The following PKDCC variants were observed in gnomAD, a reference collection of about 807,000 sequenced individuals.
The protein encoded by PKDCC is extracellular tyrosine-protein kinase PKDCC.
Under a neutral mutation model 44.7 loss-of-function variants are expected in PKDCC, and 35 were observed. That is an observed-to-expected ratio of 0.78 (90% CI 0.60 to 1.04). PKDCC has a LOEUF of 1.04. Ranked by LOEUF, PKDCC falls within the 50% of genes least tolerant of loss-of-function variation. The probability of loss-of-function intolerance (pLI) is 0.00; values close to 1 mark genes in which losing one functional copy is unlikely to be tolerated. For synonymous variants in PKDCC, 353 were observed against 303.3 expected, an observed-to-expected ratio of 1.16 and a Z score of -1.70; for missense variants, 738 against 672.7, an observed-to-expected ratio of 1.10 and a Z score of -1.07.
At position 42,055,409 on chromosome 2, in the gene PKDCC, C is replaced by T; in HGVS notation, c.1222+16C>T. ...AGCAGTACCGGTGAGTGGCCCCAAG[C>T]TGATCCACAGGGAAGCAAGAAACAG... On this transcript the variant is annotated intron_variant, in intron 5 of 6. Transcript: ENST00000294964. The surrounding 1 kb of genome is among the most constrained non-coding windows in gnomAD (Gnocchi z 4.5). The T allele has an allele frequency of 1.2e-6, 2 of 1,608,766 alleles. No individual in the cohort carries two copies. Among genetic ancestry groups the T allele is most frequent in the Non-Finnish European group, 1.7e-6 (2 of 1,176,844 alleles).
At chr2:42,050,546 G>C (rs1667947368) in intron 1 of PKDCC, among the ~76,000 whole-genome samples, 1 of 152,080 alleles carries the variant, frequency 6.6e-6, no homozygotes. Context: ...TATATATCAC[G>C]TGACGGTCCT....
Position 42,048,286 on chromosome 2 carries a change from C to A in PKDCC, c.87C>A (p.Gly29=), listed in dbSNP as rs1667901515. ...TCCTCAACGTGCTCTTCGCTCCGGGCTCGGAGCCTCCGAGGCCAGGCCAGT... is the reference window on the plus strand; with the variant it reads ...TCCTCAACGTGCTCTTCGCTCCGGGATCGGAGCCTCCGAGGCCAGGCCAGT... ...GSVLNVLFAP[G]SEPPRPGQSP... is the part of the protein sequence containing the mutation. Residue 29 remains glycine (G), a synonymous_variant, in exon 1 of 7, where the codon GGC becomes GGA. Coordinates refer to ENST00000294964, the MANE Select transcript of PKDCC (RefSeq NM_138370.3). The surrounding 1 kb of genome is among the most constrained non-coding windows in gnomAD (Gnocchi z 6.2). The A allele has an allele frequency of 2.4e-6, 3 of 1,272,356 alleles. No homozygotes were observed. The highest frequency in any genetic ancestry group is 3.8e-5 in the Admixed American group (1 of 26,648). 78.8% of individuals were successfully genotyped at this position (1,272,356 alleles called of 1,614,324 possible). A position where few individuals can be genotyped will look rare whatever the true frequency, so the allele number is the denominator to read the frequency against.
At chr2:42,053,185 C>A in intron 1 of PKDCC, 54 bp from the exon 2 acceptor site, 1 of 1,275,414 alleles carries the variant, frequency 7.8e-7, no homozygotes, top group Non-Finnish European at 1.1e-6. Flanking sequence ...TCCAGCCCTT[C>A]CCTGTCCCCA....
Position 42,048,852 on chromosome 2 carries a change from GA to G in PKDCC, c.639+15del. 6.2e-6 allele frequency: 9 copies of G among 1,456,382 alleles called. No individual in the cohort carries two copies. The highest frequency in any genetic ancestry group is 8.2e-6 in the Non-Finnish European group (9 of 1,098,512). The allele number at this position is 1,456,382 out of a possible 1,614,324, so 90.2% of individuals were successfully genotyped here. A position where few individuals can be genotyped will look rare whatever the true frequency, so the allele number is the denominator to read the frequency against. ...AACGTGCTGCAGGTACGAGGGTGGGGACGCGGGGGTAACGGTGTTGGCTGGG... is the reference window on the plus strand; with the variant it reads ...AACGTGCTGCAGGTACGAGGGTGGGGCGCGGGGGTAACGGTGTTGGCTGGG... On this transcript the variant is annotated intron_variant, in intron 1 of 6. Coordinates refer to ENST00000294964, the MANE Select transcript of PKDCC (RefSeq NM_138370.3). The surrounding 1 kb of genome is among the most constrained non-coding windows in gnomAD (Gnocchi z 6.2).
At chr2:42,057,137 T>A (rs1316848161) in intron 5 of PKDCC, 84 bp from the exon 6 acceptor site, 1 of 1,484,740 alleles carries the variant, frequency 6.7e-7, no homozygotes, top group African/African-American at 1.4e-5. Context: ...TGAGTCTTGC[T>A]GCCCTTTCCA....
rs1016062780 is a variant in PKDCC at position 42,052,878 on chromosome 2, TCCTCA to T, written c.640-357_640-353del. Among the ~76,000 whole-genome samples, 1 of 152,236 alleles carries T rather than the reference TCCTCA, an allele frequency of 6.6e-6. No homozygotes were observed. Among genetic ancestry groups the T allele is most frequent in the Non-Finnish European group, 1.5e-5 (1 of 68,046 alleles). On this transcript the variant is annotated intron_variant, in intron 1 of 6. Transcript: ENST00000294964. This position sits in a 1 kb window ranked among gnomAD's most constrained non-coding sequence, Gnocchi z 4.3. The stretch of plus-strand genomic sequence containing the variant: ...GCAACTTAACCTCTCTGAGTCAGCC[TCCTCA>T]CCTGAAGTTGGAGATAATAATAGCA...
chr2:42,057,463 C>A, intron 6 of PKDCC, 69 bp downstream of exon 6: 1 of 1,595,012 alleles, frequency 6.3e-7, no homozygotes, highest in Non-Finnish European at 8.6e-7. Flanking sequence ...AGATAGTGAT[C>A]CCCCATCGGA....
Position 42,054,001 on chromosome 2 carries a change from A to G in PKDCC, c.763-35A>G. The G allele has an allele frequency of 1.3e-6, 2 of 1,591,684 alleles. No homozygotes were observed. The highest frequency in any genetic ancestry group is 2.3e-5 in the South Asian group (2 of 88,432). ...GTCCCACAGACCCCCAACCCAGGAG[A>G]AAAGCAGTGAGCAGTCTTTTCTTGT... On this transcript the variant is annotated intron_variant, in intron 2 of 6. Coordinates refer to ENST00000294964, the MANE Select transcript of PKDCC (RefSeq NM_138370.3). This position sits in a 1 kb window ranked among gnomAD's most constrained non-coding sequence, Gnocchi z 6.1.
At chr2:42,056,763 AAAAAAAAAAG>A (rs1161692704) in intron 5 of PKDCC, among the ~76,000 whole-genome samples, 3 of 149,380 alleles carry the variant, frequency 2.0e-5, no homozygotes, top group African/African-American at 4.9e-5. Context: ...GACCCCATCA[AAAAAAAAAAG>A]AAAAAAAAAG....
Position 42,055,407 on chromosome 2 carries a change from A to G in PKDCC, c.1222+14A>G, listed in dbSNP as rs753344748. ...GCAGCAGTACCGGTGAGTGGCCCCA[A>G]GCTGATCCACAGGGAAGCAAGAAAC... is the stretch of plus-strand genomic sequence containing the variant. On this transcript the variant is annotated intron_variant, in intron 5 of 6. Transcript: ENST00000294964. The surrounding 1 kb of genome is among the most constrained non-coding windows in gnomAD (Gnocchi z 4.5). The G allele has an allele frequency of 4.3e-6, 7 of 1,610,234 alleles. No individual in the cohort carries two copies. The highest frequency in any genetic ancestry group is 2.2e-5 in the East Asian group (1 of 44,812).
rs767616137 is a variant in PKDCC, at chr2:42,054,987, C to T, written c.1081C>T (p.Arg361Cys). 9.3e-6 allele frequency: 15 copies of T among 1,614,112 alleles called. No homozygotes were observed. Among genetic ancestry groups the T allele is most frequent in the Middle Eastern group, 1.6e-4 (1 of 6,062 alleles). Residue 361 changes from arginine to cysteine, a missense_variant, in exon 4 of 7, where the codon CGT (arginine) becomes TGT (cysteine). By Grantham distance (180) the Arg-to-Cys change is radical. Coordinates refer to ENST00000294964, the MANE Select transcript of PKDCC (RefSeq NM_138370.3). The surrounding 1 kb of genome is among the most constrained non-coding windows in gnomAD (Gnocchi z 6.1). ...GCCTCACAGTGCCCCGCCTTCACTGCGTCCTCTGCTGGACAGCATCGTCAA... is the reference window on the plus strand; with the variant it reads ...GCCTCACAGTGCCCCGCCTTCACTGTGTCCTCTGCTGGACAGCATCGTCAA... ...LLPHSAPPSLRPLLDSIVNAT... is the reference protein window; with the variant it reads ...LLPHSAPPSLCPLLDSIVNAT...
rs559980567 is a variant in PKDCC, at chr2:42,057,085, G to A, written c.1223-136G>A. 1.3e-4 allele frequency: 119 copies of A among 940,012 alleles called. 1 individual carries two copies. The highest frequency in any genetic ancestry group is 1.2e-3 in the South Asian group (79 of 63,424). The allele number at this position is 940,012 out of a possible 1,614,324, so 58.2% of individuals were successfully genotyped here. A position where few individuals can be genotyped will look rare whatever the true frequency, so the allele number is the denominator to read the frequency against. Reference sequence around the variant, plus strand: ...AACAGTGGTAGCTGCCTTCATCTGCGTGCTAGAGGGCTGGGCTGGACTTCA... The same window carrying A: ...AACAGTGGTAGCTGCCTTCATCTGCATGCTAGAGGGCTGGGCTGGACTTCA... On this transcript the variant is annotated intron_variant, in intron 5 of 6. Transcript: ENST00000294964.
Position 42,051,153 on chromosome 2 carries a change from C to A in PKDCC, c.640-2086C>A, listed in dbSNP as rs1305059717. On this transcript the variant is annotated intron_variant, in intron 1 of 6. Coordinates refer to ENST00000294964, the MANE Select transcript of PKDCC (RefSeq NM_138370.3). This position sits in a 1 kb window ranked among gnomAD's most constrained non-coding sequence, Gnocchi z 4.2. Reference sequence around the variant, plus strand: ...AATGCCCAGGCTAGCAGGCCCCATTCTGCACCTCCCAGGGCTTTCTCTGGT... The same window carrying A: ...AATGCCCAGGCTAGCAGGCCCCATTATGCACCTCCCAGGGCTTTCTCTGGT... Among the ~76,000 whole-genome samples the A allele has an allele frequency of 1.3e-5, 2 of 152,126 alleles. No individual in the cohort carries two copies. Among genetic ancestry groups the A allele is most frequent in the Non-Finnish European group, 2.9e-5 (2 of 68,016 alleles).
chr2:42,057,099 G>T, intron 5 of PKDCC, 122 bp from the exon 6 acceptor site: 1 of 1,143,374 alleles, frequency 8.7e-7, no homozygotes, highest in African/African-American at 1.5e-5. Context: ...TAGAGGGCTG[G>T]GCTGGACTTC....
Position 42,055,489 on chromosome 2 carries a change from G to A in PKDCC, c.1222+96G>A, listed in dbSNP as rs1668039107. The A allele has an allele frequency of 9.0e-7, 1 of 1,114,594 alleles. No individual in the cohort carries two copies. 69.0% of individuals were successfully genotyped at this position (1,114,594 alleles called of 1,614,324 possible). ...GGCTAAGTGGCTCACCCTTTCTCTGGGGACCCTTGTCTCCAAAGGCCACTG... is the reference window on the plus strand; with the variant it reads ...GGCTAAGTGGCTCACCCTTTCTCTGAGGACCCTTGTCTCCAAAGGCCACTG... On this transcript the variant is annotated intron_variant, in intron 5 of 6. Coordinates refer to ENST00000294964, the MANE Select transcript of PKDCC (RefSeq NM_138370.3). This position sits in a 1 kb window ranked among gnomAD's most constrained non-coding sequence, Gnocchi z 4.5.
Position 42,052,208 on chromosome 2 carries a change from AC to A in PKDCC, c.640-1026del, listed in dbSNP as rs1322991226. ...CCAGGAGGAATCATCACTCACTACC[AC>A]CCCCACTGATACACATCACTCATAT... is the stretch of plus-strand genomic sequence containing the variant. On this transcript the variant is annotated intron_variant, in intron 1 of 6. Transcript: ENST00000294964. This position sits in a 1 kb window ranked among gnomAD's most constrained non-coding sequence, Gnocchi z 4.3. Among the ~76,000 whole-genome samples, 2 of 151,666 alleles carry A rather than the reference AC, an allele frequency of 1.3e-5. No homozygotes were observed. Among genetic ancestry groups the A allele is most frequent in the Non-Finnish European group, 2.9e-5 (2 of 67,930 alleles).
chr2:42,055,324 C>T lies in PKDCC; in HGVS notation c.1153C>T (p.Leu385=). 6.2e-7 allele frequency: 1 copy of T among 1,613,750 alleles called. No homozygotes were observed. The highest frequency in any genetic ancestry group is 1.7e-5 in the Admixed American group (1 of 60,004). Residue 385 remains leucine (L), a synonymous_variant, in exon 5 of 7, where the codon CTG becomes TTG. Transcript: ENST00000294964. The surrounding 1 kb of genome is among the most constrained non-coding windows in gnomAD (Gnocchi z 4.5). ...AWGVDETLAQ[L]EKVLHLYRSG... ...GGGGGTGGACGAGACCCTGGCCCAG[C>T]TGGAGAAGGTGCTGCACCTGTACCG... is the stretch of plus-strand genomic sequence containing the variant.
rs758735164 is a variant in PKDCC at position 42,054,036 on chromosome 2, A to T, written c.763A>T (p.Ile255Phe). The T allele has an allele frequency of 2.5e-6, 4 of 1,610,364 alleles. No homozygotes were observed. The highest frequency in any genetic ancestry group is 1.7e-5 in the Admixed American group (1 of 59,944). ...LQTSWEDRFR[I>F]CLSLGRLLHH... ...AGCAGTCTTTTCTTGTGCCCCTCAG[A>T]TCTGCCTGAGCCTGGGCCGCCTCCT... The change falls in exon 3 of 7, where the codon ATC becomes TTC. Residue 255 changes from isoleucine (I) to phenylalanine (F), a missense_variant and splice_region_variant. Ile to Phe is a conservative substitution (Grantham distance 21). Transcript: ENST00000294964. The surrounding 1 kb of genome is among the most constrained non-coding windows in gnomAD (Gnocchi z 6.1).
Position 42,048,370 on chromosome 2 carries a change from C to A in PKDCC, c.171C>A (p.Ala57=). The A allele has an allele frequency of 8.6e-7, 1 of 1,161,018 alleles. No homozygotes were observed. Among genetic ancestry groups the A allele is most frequent in the Non-Finnish European group, 1.1e-6 (1 of 943,628 alleles). 71.9% of individuals were successfully genotyped at this position (1,161,018 alleles called of 1,614,324 possible). Residue 57 remains alanine, a synonymous_variant, in exon 1 of 7, where the codon GCC becomes GCA. Coordinates refer to ENST00000294964, the MANE Select transcript of PKDCC (RefSeq NM_138370.3). The surrounding 1 kb of genome is among the most constrained non-coding windows in gnomAD (Gnocchi z 6.2). The part of the protein sequence containing the change: ...PGRRGGRGEL[A]RQIRARYEEV... ...GTCGCGGGGGCCGCGGGGAGCTGGC[C>A]CGGCAGATCCGGGCGCGCTACGAGG...
Sources: allele counts gnomAD v4.1 joint callset (sites outside exome capture counted in the v4.1 genomes callset), GRCh38; gene constraint gnomAD v4.1.1; non-coding constraint Gnocchi (gnomAD v3.1); transcripts MANE v1.5; gene names NCBI Gene and HGNC (gene_info 2026-07-23, HGNC 2026-07-21).